PCDHGA1: variants seen among roughly 807,000 people sequenced by gnomAD.
The protein encoded by PCDHGA1 is protocadherin gamma-A1.
PCDHGA1 carries 32 observed loss-of-function variants against 58.0 expected under a neutral mutation model. The ratio of observed to expected loss-of-function variants is 0.55; its 90% CI spans 0.42 to 0.74. The LOEUF is 0.74. Among genes scored for constraint, PCDHGA1 ranks in the 30% least tolerant of loss-of-function variants. The pLI is 0.00. For missense variants in PCDHGA1, 1,205 were observed against 1,182.3 expected, an observed-to-expected ratio of 1.02 and a Z score of -0.28; for synonymous variants, 498 against 501.1, an observed-to-expected ratio of 0.99 and a Z score of 0.08.
intron 1 of PCDHGA1, chr5:141,415,086 G>A (rs769093571): frequency 3.1e-6 from 5 of 1,613,554 alleles, no homozygotes; most frequent in South Asian, 1.1e-5. Flanking sequence ...GAGCCCTGCT[G>A]GACAGAGACG....
In PCDHGA1 at chr5:141,493,482, G is replaced by T. The variant is rs184736387; in HGVS notation, c.2422-1325G>T. The stretch of plus-strand genomic sequence containing the variant: ...TTTTAGGACCTTACATGTGGGGAAA[G>T]TCTTCTGTGGCTCCTCATTTCTGAG... On this transcript the variant is annotated intron_variant, in intron 1 of 3. Coordinates refer to ENST00000517417, the MANE Select transcript of PCDHGA1 (RefSeq NM_018912.3). The surrounding 1 kb of genome is among the most constrained non-coding windows in gnomAD (Gnocchi z 4.3). 6.6e-6 allele frequency among the ~76,000 whole-genome samples: 1 copy of T among 152,206 alleles called. No individual in the cohort carries two copies. Among genetic ancestry groups the T allele is most frequent in the Admixed American group, 6.5e-5 (1 of 15,282 alleles).
intron 2 of PCDHGA1, among the ~76,000 whole-genome samples, chr5:141,497,501 C>T (rs1268186916): frequency 6.6e-6 from 1 of 151,182 alleles, no homozygotes; most frequent in Non-Finnish European, 1.5e-5. Flanking sequence ...TCTCTCCTCT[C>T]TCTGCTTCCT....
At chr5:141,368,798 C>T (rs1477388914) in intron 1 of PCDHGA1, among the ~76,000 whole-genome samples, 3 of 152,096 alleles carry the variant, frequency 2.0e-5, no homozygotes, top group Non-Finnish European at 4.4e-5. Flanking sequence ...ATTTTTCATA[C>T]TAATTGAAGT....
At position 141,357,645 on chromosome 5, in the gene PCDHGA1, A is replaced by G. The variant is rs374651812; in HGVS notation, c.2421+24540A>G. 1.9e-6 allele frequency: 3 copies of G among 1,610,840 alleles called. 1 individual carries two copies. The highest frequency in any genetic ancestry group is 2.2e-5 in the South Asian group (2 of 90,876). ...AGGTGAGTCAATCTTATAATAGATC[A>G]TACCACACTGAAATATAGACAAAGA... On this transcript the variant is annotated intron_variant, in intron 1 of 3. Coordinates refer to ENST00000517417, the MANE Select transcript of PCDHGA1 (RefSeq NM_018912.3).
chr5:141,366,156 T>G, intron 1 of PCDHGA1: 2 of 1,614,138 alleles, frequency 1.2e-6, no homozygotes, highest in African/African-American at 1.3e-5. Context: ...TACCGCCTGC[T>G]TAAGGCCAGC....
At chr5:141,345,406 C>A (rs934034695) in intron 1 of PCDHGA1, 1 of 1,614,138 alleles carries the variant, frequency 6.2e-7, no homozygotes, top group Non-Finnish European at 8.5e-7. Context: ...TTATCCTACT[C>A]CGCCTACATT....
chr5:141,497,062 A>C (rs779414748), intron 2 of PCDHGA1, among the ~76,000 whole-genome samples: 6 of 152,024 alleles, frequency 3.9e-5, no homozygotes, highest in Non-Finnish European at 7.4e-5. Flanking sequence ...GGTGGCAGGC[A>C]CCTGTAATCC....
intron 1 of PCDHGA1, chr5:141,340,280 C>T: frequency 6.2e-7 from 1 of 1,614,162 alleles, no homozygotes; most frequent in Non-Finnish European, 8.5e-7. Context: ...CACGGATGCT[C>T]ACATTTTGCT....
chr5:141,345,622 T>C, intron 1 of PCDHGA1: 1 of 1,614,160 alleles, frequency 6.2e-7, no homozygotes, highest in South Asian at 1.1e-5. Context: ...GACTTAAAGC[T>C]ACTGGTGACA....
At chr5:141,402,946 G>A (rs1012771364) in intron 1 of PCDHGA1, 1 of 1,592,686 alleles carries the variant, frequency 6.3e-7, no homozygotes, top group African/African-American at 1.4e-5. Flanking sequence ...TCCAAAGCGA[G>A]GCAGCAATGG....
intron 1 of PCDHGA1, chr5:141,364,259 C>CA: frequency 6.7e-7 from 1 of 1,498,884 alleles, no homozygotes; most frequent in Non-Finnish European, 8.9e-7. Flanking sequence ...AATATGTACC[C>CA]ATCGGCTTTA....
rs375080564 is a variant in PCDHGA1 at position 141,486,676 on chromosome 5, T to C, written c.2422-8131T>C. On this transcript the variant is annotated intron_variant, in intron 1 of 3. Transcript: ENST00000517417. The surrounding 1 kb of genome is among the most constrained non-coding windows in gnomAD (Gnocchi z 5.0). ...CACTCCTGGAGCCCAGGAATCGAGA[T>C]GTATCAGCTTCCTCTTTCATCTCTC... The C allele has an allele frequency of 6.2e-7, 1 of 1,614,120 alleles. No homozygotes were observed. The highest frequency in any genetic ancestry group is 1.7e-5 in the Admixed American group (1 of 60,032).
chr5:141,389,049 C>T, intron 1 of PCDHGA1: 7 of 1,613,880 alleles, frequency 4.3e-6, no homozygotes, highest in Non-Finnish European at 5.9e-6. Flanking sequence ...AGGTGATGTT[C>T]CATTTAAAAT....
intron 1 of PCDHGA1, chr5:141,371,116 T>G (rs1486795854): frequency 1.2e-6 from 2 of 1,613,914 alleles, no homozygotes; most frequent in Non-Finnish European, 8.5e-7. Flanking sequence ...AACCCCCCAG[T>G]ATTTACTCAG....
rs112352563 is a variant in PCDHGA1 at position 141,336,307 on chromosome 5, G to A, written c.2421+3202G>A. Reference sequence around the variant, plus strand: ...GAGGCAGTAGGATTGCTTGAGCCCAGGAGTTTGAATCCAGCCGGGGCAGTA... The same window carrying A: ...GAGGCAGTAGGATTGCTTGAGCCCAAGAGTTTGAATCCAGCCGGGGCAGTA... On this transcript the variant is annotated intron_variant, in intron 1 of 3. Transcript: ENST00000517417. Among the ~76,000 whole-genome samples the A allele has an allele frequency of 6.0e-4, 91 of 152,204 alleles. 2 individuals carry two copies. The highest frequency in any genetic ancestry group is 2.0e-3 in the African/African-American group (85 of 41,516).
In PCDHGA1 at chr5:141,490,004, CA is replaced by C; in HGVS notation, c.2422-4802del. 1 of 1,614,174 alleles carries C rather than the reference CA, an allele frequency of 6.2e-7. No individual in the cohort carries two copies. Among genetic ancestry groups the C allele is most frequent in the Admixed American group, 1.7e-5 (1 of 60,034 alleles). ...CTACGTGTGGGAATCCCAGAGAATG[CA>C]CCCATTGGTACTCTGCTGCTCCGCC... On this transcript the variant is annotated intron_variant, in intron 1 of 3. Transcript: ENST00000517417. This position sits in a 1 kb window ranked among gnomAD's most constrained non-coding sequence, Gnocchi z 5.4.
chr5:141,336,893 G>A (rs1220164574), intron 1 of PCDHGA1, among the ~76,000 whole-genome samples: 1 of 152,142 alleles, frequency 6.6e-6, no homozygotes, highest in Non-Finnish European at 1.5e-5. Flanking sequence ...ATGTATCTGA[G>A]AATGGATATC....
chr5:141,382,821 CAG>C, intron 1 of PCDHGA1: 1 of 1,306,412 alleles, frequency 7.7e-7, no homozygotes, highest in South Asian at 1.5e-5. Context: ...CTTCCTAAGA[CAG>C]AGGGGTCCAC....
Position 141,344,574 on chromosome 5 carries a change from G to A in PCDHGA1, c.2421+11469G>A, listed in dbSNP as rs866197443. 6.2e-7 allele frequency: 1 copy of A among 1,613,972 alleles called. No homozygotes were observed. Among genetic ancestry groups the A allele is most frequent in the African/African-American group, 1.3e-5 (1 of 75,042 alleles). Reference sequence around the variant, plus strand: ...TAGCCCCAATGACTACTTCTCTCTGGCTGTGAATAGCGTCTCTGAGGGGGC... The same window carrying A: ...TAGCCCCAATGACTACTTCTCTCTGACTGTGAATAGCGTCTCTGAGGGGGC... On this transcript the variant is annotated intron_variant, in intron 1 of 3. Transcript: ENST00000517417.
Sources: gnomAD v4.1 joint callset for allele counts (sites outside exome capture counted in the v4.1 genomes callset) on GRCh38, gnomAD v4.1.1 for gene constraint, Gnocchi (gnomAD v3.1) non-coding constraint, MANE v1.5 for transcripts, NCBI Gene and HGNC (gene_info 2026-07-23, HGNC 2026-07-21) for gene names.